MAOB: variants seen among roughly 807,000 people sequenced by gnomAD.
MAOB encodes monoamine oxidase B.
A neutral mutation model predicts 41.9 loss-of-function variants in MAOB; 15 were observed. The observed-to-expected ratio is 0.36, with a 90% CI of 0.24 to 0.55. The LOEUF is 0.55. Among genes scored for constraint, MAOB ranks in the 20% least tolerant of loss-of-function variants. The probability of loss-of-function intolerance (pLI) is 0.86; values close to 1 mark genes in which losing one functional copy is unlikely to be tolerated. For synonymous variants in MAOB, 167 were observed against 144.2 expected (o/e 1.16, Z -1.13); for missense variants, 345 against 398.7 (o/e 0.87, Z 1.15).
chrX:43,864,974 T>G (rs1447417958), intron 1 of MAOB, among the ~76,000 whole-genome samples: 1 of 111,966 alleles, frequency 8.9e-6, no homozygotes, highest in Non-Finnish European at 1.9e-5. Context: ...CAGATCGTAC[T>G]TTAAAATCTT....
chrX:43,846,871 G>A (rs2035207870), intron 1 of MAOB, among the ~76,000 whole-genome samples: 1 of 111,810 alleles, frequency 8.9e-6, no homozygotes, highest in Non-Finnish European at 1.9e-5. Flanking sequence ...ACAAAAATAT[G>A]AGAGATGGTA....
rs751576372 is a variant in MAOB at position 43,852,690 on chromosome X, T to G, written c.47-8926A>C. ...CACATAATTCCATAAAGATACTATA[T>G]ACCATTTATATAATTTCTTAGTCTT... is the stretch of plus-strand genomic sequence containing the variant. On this transcript the variant is annotated intron_variant, in intron 1 of 14. Coordinates refer to ENST00000378069, the MANE Select transcript of MAOB (RefSeq NM_000898.5). Among the ~76,000 whole-genome samples the G allele has an allele frequency of 2.7e-5, 3 of 112,477 alleles. No individual in the cohort carries two copies. In the East Asian group the frequency reaches 8.4e-4, roughly 31 times the overall value.
At chrX:43,828,774 C>A (rs1240081152) in intron 3 of MAOB, among the ~76,000 whole-genome samples, 1 of 111,670 alleles carries the variant, frequency 9.0e-6, no homozygotes, top group Non-Finnish European at 1.9e-5. Context: ...CATCACTTAC[C>A]AACTGGGGCA....
At chrX:43,770,327 G>A (rs1205835169) in intron 12 of MAOB, among the ~76,000 whole-genome samples, 1 of 111,287 alleles carries the variant, frequency 9.0e-6, no homozygotes, top group Non-Finnish European at 1.9e-5. Context: ...GAACTGCACT[G>A]CAGCCCAAGT....
chrX:43,804,969 CT>C (rs1246456951), intron 3 of MAOB, among the ~76,000 whole-genome samples: 207 of 111,650 alleles, frequency 1.9e-3, no homozygotes, highest in Middle Eastern at 4.6e-3. Flanking sequence ...CTACAATGTA[CT>C]CATTTTATTT....
chrX:43,861,746 C>A (rs1266212603), intron 1 of MAOB, among the ~76,000 whole-genome samples: 2 of 111,310 alleles, frequency 1.8e-5, no homozygotes, highest in Non-Finnish European at 3.8e-5. Context: ...AAATTCTAGG[C>A]CTGCACTGTT....
intron 1 of MAOB, among the ~76,000 whole-genome samples, chrX:43,857,120 G>T (rs1458082737): frequency 0.096 from 785 of 8,195 alleles, 10 homozygotes; most frequent in East Asian, 0.24. Context: ...TATATATAGA[G>T]AGAGAGAGAG....
chrX:43,792,664 G>A (rs937117712), intron 8 of MAOB, among the ~76,000 whole-genome samples: 1 of 111,808 alleles, frequency 8.9e-6, no homozygotes, highest in Admixed American at 9.5e-5. Flanking sequence ...AGTCAGAATG[G>A]CTATTATTAA....
Position 43,838,978 on chromosome X carries a change from C to T in MAOB, c.169G>A (p.Gly57Arg). The change falls in exon 3 of 15, where the codon GGA (glycine) becomes AGA (arginine). Residue 57 changes from glycine (G) to arginine (R), a missense_variant. Physicochemically the swap from Gly to Arg is moderately radical, Grantham distance 125. Coordinates refer to ENST00000378069, the MANE Select transcript of MAOB (RefSeq NM_000898.5). ...TGGGTTGGTCCAACATAGGATCCTCCAAGGTCCACATATTTAACCTTTTGG... is the reference window on the plus strand; with the variant it reads ...TGGGTTGGTCCAACATAGGATCCTCTAAGGTCCACATATTTAACCTTTTGG... ...RNQKVKYVDL[G>R]GSYVGPTQNR... is the part of the protein sequence containing the mutation. The T allele has an allele frequency of 8.4e-7, 1 of 1,195,105 alleles. No individual in the cohort carries two copies. Among genetic ancestry groups the T allele is most frequent in the Non-Finnish European group, 1.1e-6 (1 of 887,400 alleles).
chrX:43,871,430 T>C (rs984122108), intron 1 of MAOB, among the ~76,000 whole-genome samples: 56 of 109,421 alleles, frequency 5.1e-4, no homozygotes, highest in Non-Finnish European at 5.7e-5. Flanking sequence ...GTAAATTCCA[T>C]TGCCAAATCC....
intron 12 of MAOB, among the ~76,000 whole-genome samples, chrX:43,772,007 T>C (rs1196083031): frequency 8.9e-6 from 1 of 111,927 alleles, no homozygotes; most frequent in Non-Finnish European, 1.9e-5. Context: ...ATCATTTTTT[T>C]CACCCTATCC....
chrX:43,849,097 A>G (rs2035231395), intron 1 of MAOB, among the ~76,000 whole-genome samples: 1 of 112,242 alleles, frequency 8.9e-6, no homozygotes, highest in Non-Finnish European at 1.9e-5. Flanking sequence ...TAATTGTTGA[A>G]CTTTTCAACA....
chrX:43,839,035 A>G (rs775396944), intron 2 of MAOB, 30 bp from the exon 3 acceptor site: 1 of 1,080,714 alleles, frequency 9.3e-7, no homozygotes, highest in African/African-American at 1.9e-5. Context: ...AATTAAAAAA[A>G]ATTTGTAAAA....
At chrX:43,834,236 G>C (rs977979756) in intron 3 of MAOB, among the ~76,000 whole-genome samples, 2 of 111,462 alleles carry the variant, frequency 1.8e-5, no homozygotes, top group Non-Finnish European at 3.8e-5. Flanking sequence ...ACAAGAGTTG[G>C]TCTAACCTGT....
At chrX:43,807,186 A>G (rs1387560113) in intron 3 of MAOB, among the ~76,000 whole-genome samples, 1 of 112,274 alleles carries the variant, frequency 8.9e-6, no homozygotes, top group African/African-American at 3.2e-5. Context: ...AGTTCAATAC[A>G]TAAAACTTGC....
chrX:43,837,203 C>T (rs1213111805), intron 3 of MAOB, among the ~76,000 whole-genome samples: 2 of 112,075 alleles, frequency 1.8e-5, no homozygotes, highest in African/African-American at 6.5e-5. Context: ...TCAAGAAAAT[C>T]TACATTTAAA....
intron 3 of MAOB, among the ~76,000 whole-genome samples, chrX:43,835,449 C>G (rs2035061253): frequency 8.9e-6 from 1 of 112,174 alleles, no homozygotes; most frequent in South Asian, 3.7e-4. Flanking sequence ...TAGATTTGAG[C>G]TGAAGCGATC....
intron 2 of MAOB, among the ~76,000 whole-genome samples, chrX:43,842,546 G>A (rs767886258): frequency 8.9e-6 from 1 of 111,902 alleles, no homozygotes. Context: ...TAGAACTACC[G>A]CATAATTCAG....
chrX:43,793,604 C>A, intron 7 of MAOB, 26 bp from the exon 8 acceptor site: 1 of 1,150,349 alleles, frequency 8.7e-7, no homozygotes, highest in Non-Finnish European at 1.2e-6. Flanking sequence ...CATGGTTAAA[C>A]ATTGTTGCCG....
Sources: gnomAD v4.1 joint callset for allele counts (sites outside exome capture counted in the v4.1 genomes callset) on GRCh38, gnomAD v4.1.1 for gene constraint, MANE v1.5 for transcripts, NCBI Gene and HGNC (gene_info 2026-07-23, HGNC 2026-07-21) for gene names.